Variants in RAB3GAP2 observed in about 807,000 individuals in gnomAD.
The protein encoded by RAB3GAP2 is RAB3 GTPase activating non-catalytic protein subunit 2.
A neutral mutation model predicts 185.3 loss-of-function variants in RAB3GAP2; 87 were observed. The ratio of observed to expected loss-of-function variants is 0.47; its 90% CI spans 0.39 to 0.56. RAB3GAP2 has a LOEUF of 0.56. Ranked by LOEUF, RAB3GAP2 falls within the 20% of genes least tolerant of loss-of-function variation. The pLI is 0.00. For synonymous variants in RAB3GAP2, 554 were observed against 576.1 expected (o/e 0.96, Z 0.55); for missense variants, 1,492 against 1,638.2 (o/e 0.91, Z 1.54).
chr1:220,150,983 A>C lies in RAB3GAP2; in HGVS notation c.*268T>G. On this transcript the variant is annotated 3_prime_UTR_variant, in exon 35 of 35. Transcript: ENST00000358951. ...CAAAGTTTAACAATAAAGCTACTTA[A>C]GTGTTTGAATTAGAAATAAACAGTA... 1 of 412,188 alleles carries C rather than the reference A, an allele frequency of 2.4e-6. No homozygotes were observed. Among genetic ancestry groups the C allele is most frequent in the Non-Finnish European group, 4.3e-6 (1 of 232,218 alleles). 25.5% of individuals were successfully genotyped at this position (412,188 alleles called of 1,614,324 possible). A position where few individuals can be genotyped will look rare whatever the true frequency, so the allele number is the denominator to read the frequency against.
chr1:220,213,945 G>C lies in RAB3GAP2; in HGVS notation c.215C>G (p.Thr72Ser). 1 of 1,613,160 alleles carries C rather than the reference G, an allele frequency of 6.2e-7. No homozygotes were observed. Among genetic ancestry groups the C allele is most frequent in the Admixed American group, 1.7e-5 (1 of 59,980 alleles). ...TAAAACACAATCTTGGAGCCAGGAAGTTTTTTGTGTTTTGCAAGTATTTCC... is the reference window on the plus strand; with the variant it reads ...TAAAACACAATCTTGGAGCCAGGAACTTTTTTGTGTTTTGCAAGTATTTCC... ...EEGNTCKTQK[T>S]SWLQDCVLSL... The change falls in exon 3 of 35, where the codon ACT (threonine) becomes AGT (serine). Residue 72 changes from threonine (T) to serine (S), a missense_variant. Coordinates refer to ENST00000358951, the MANE Select transcript of RAB3GAP2 (RefSeq NM_012414.4).
At chr1:220,256,581 G>T (rs1314334928) in intron 1 of RAB3GAP2, among the ~76,000 whole-genome samples, 1 of 152,204 alleles carries the variant, frequency 6.6e-6, no homozygotes, top group African/African-American at 2.4e-5. Context: ...AAAAGCAGGG[G>T]TTGCAATCCT....
chr1:220,236,365 C>T (rs950167813), intron 1 of RAB3GAP2, among the ~76,000 whole-genome samples: 6 of 152,004 alleles, frequency 3.9e-5, no homozygotes, highest in East Asian at 3.9e-4. Context: ...GTAGTAGAGA[C>T]GGGGGTTTCA....
chr1:220,243,233 A>T (rs1388226782), intron 1 of RAB3GAP2, among the ~76,000 whole-genome samples: 1 of 151,890 alleles, frequency 6.6e-6, no homozygotes, highest in Non-Finnish European at 1.5e-5. Flanking sequence ...AGGCGCCTGT[A>T]GTCCCAGCTG....
intron 20 of RAB3GAP2, 66 bp from the exon 21 acceptor site, chr1:220,182,420 G>T: frequency 6.3e-7 from 1 of 1,599,958 alleles, no homozygotes; most frequent in South Asian, 1.1e-5. Context: ...CAATCTTATT[G>T]AATCACAATC....
chr1:220,246,662 T>C (rs1659822883), intron 1 of RAB3GAP2, among the ~76,000 whole-genome samples: 1 of 123,492 alleles, frequency 8.1e-6, no homozygotes, highest in African/African-American at 3.1e-5. Context: ...CAGTAAACTA[T>C]CGCAAGAACA....
chr1:220,252,152 GAAAAAAAA>G (rs58516168), intron 1 of RAB3GAP2, among the ~76,000 whole-genome samples: 1 of 96,000 alleles, frequency 1.0e-5, no homozygotes, highest in South Asian at 3.4e-4. Context: ...CTCAAAAAAA[GAAAAAAAA>G]AAAAAAAAAA....
intron 13 of RAB3GAP2, among the ~76,000 whole-genome samples, chr1:220,191,836 A>G (rs944243861): frequency 1.3e-5 from 2 of 151,838 alleles, no homozygotes; most frequent in Non-Finnish European, 2.9e-5. Flanking sequence ...AAAAGAGAAA[A>G]GATTATAGAT....
intron 16 of RAB3GAP2, 99 bp downstream of exon 16, chr1:220,189,965 T>C: frequency 8.9e-7 from 1 of 1,124,870 alleles, no homozygotes; most frequent in Non-Finnish European, 1.3e-6. Flanking sequence ...TCCAATAAGC[T>C]CATCCATGCA....
At chr1:220,178,428 CA>C (rs1658336769) in intron 21 of RAB3GAP2, among the ~76,000 whole-genome samples, 1 of 152,070 alleles carries the variant, frequency 6.6e-6, no homozygotes, top group Non-Finnish European at 1.5e-5. Context: ...AAAAAACTAT[CA>C]AAAAACTGAC....
chr1:220,167,193 G>A (rs1370783043), intron 26 of RAB3GAP2, 100 bp downstream of exon 26: 35 of 1,065,004 alleles, frequency 3.3e-5, no homozygotes, highest in Non-Finnish European at 4.7e-5. Context: ...CGGGGAAAAA[G>A]CCAGTGTTTA....
intron 12 of RAB3GAP2, among the ~76,000 whole-genome samples, chr1:220,194,856 C>T (rs989097984): frequency 6.6e-6 from 1 of 152,190 alleles, no homozygotes; most frequent in Non-Finnish European, 1.5e-5. Context: ...AGAAATACAT[C>T]TTGAATACCT....
At chr1:220,267,581 C>T in intron 1 of RAB3GAP2, 1 of 1,362,674 alleles carries the variant, frequency 7.3e-7, no homozygotes, top group Non-Finnish European at 1.1e-6. Context: ...ATGCCAGTTC[C>T]TCCTCAGGAT....
intron 31 of RAB3GAP2, among the ~76,000 whole-genome samples, chr1:220,154,621 C>T (rs1404521517): frequency 2.6e-5 from 4 of 151,784 alleles, no homozygotes; most frequent in African/African-American, 9.7e-5. Flanking sequence ...TACTGACCCA[C>T]AACAACTGTG....
At chr1:220,176,690 T>C (rs1300934980) in intron 21 of RAB3GAP2, among the ~76,000 whole-genome samples, 1 of 152,008 alleles carries the variant, frequency 6.6e-6, no homozygotes, top group Non-Finnish European at 1.5e-5. Flanking sequence ...GACTCACCCA[T>C]ATCTCTCAGC....
At chr1:220,163,788 T>G (rs1658012760) in intron 27 of RAB3GAP2, among the ~76,000 whole-genome samples, 1 of 142,500 alleles carries the variant, frequency 7.0e-6, no homozygotes, top group African/African-American at 2.6e-5. Context: ...GAAGGTAAGA[T>G]CTAAGAGATG....
chr1:220,245,341 C>A (rs1368578098), intron 1 of RAB3GAP2, among the ~76,000 whole-genome samples: 1 of 152,200 alleles, frequency 6.6e-6, no homozygotes, highest in African/African-American at 2.4e-5. Flanking sequence ...CAGGGCGAGG[C>A]ATTGCCTCAC....
intron 2 of RAB3GAP2, among the ~76,000 whole-genome samples, chr1:220,221,177 G>A (rs536540705): frequency 1.4e-4 from 22 of 152,084 alleles, no homozygotes; most frequent in African/African-American, 4.3e-4. Context: ...GTTTTATTTC[G>A]AGTTTTTCTT....
Position 220,195,396 on chromosome 1 carries a change from GA to G in RAB3GAP2, c.961-20del, listed in dbSNP as rs1658705678. ...TGCTTCCCTGAAAAACAGAACATTT[GA>G]AAGAGAAAACTTAGTAGCTTACAAA... On this transcript the variant is annotated intron_variant, in intron 10 of 34. Transcript: ENST00000358951. The G allele has an allele frequency of 1.9e-6, 3 of 1,587,694 alleles. No individual in the cohort carries two copies. The highest frequency in any genetic ancestry group is 2.6e-6 in the Non-Finnish European group (3 of 1,156,768).
Sources: gnomAD v4.1 joint callset for allele counts (sites outside exome capture counted in the v4.1 genomes callset) on GRCh38, gnomAD v4.1.1 for gene constraint, MANE v1.5 for transcripts, NCBI Gene and HGNC (gene_info 2026-07-23, HGNC 2026-07-21) for gene names.